ZDHHC15: variants seen among roughly 807,000 people sequenced by gnomAD.
ZDHHC15 encodes the protein palmitoyltransferase ZDHHC15.
In ZDHHC15, 19 loss-of-function variants were observed where a neutral mutation model predicts 31.7. The observed-to-expected ratio is 0.60, with a 90% CI of 0.42 to 0.88. The LOEUF (loss-of-function observed/expected upper bound fraction) is 0.88. ZDHHC15 is among the 40% of genes least tolerant of loss of function. ZDHHC15 has a pLI of 0.00. For synonymous variants in ZDHHC15, 103 were observed against 90.0 expected (o/e 1.14, Z -0.82); for missense variants, 209 against 251.2 (o/e 0.83, Z 1.14).
rs1602548864 is a variant in ZDHHC15, at chrX:75,387,795, G to A, written c.968-8597C>T. Among the ~76,000 whole-genome samples, 3 of 111,635 alleles carry A rather than the reference G, an allele frequency of 2.7e-5. No homozygotes were observed. In the South Asian group the frequency reaches 1.1e-3, roughly 42 times the overall value. On this transcript the variant is annotated intron_variant, in intron 10 of 11. Transcript: ENST00000373367. The stretch of plus-strand genomic sequence containing the variant: ...AAACTTGAGAAAGATAAATATCCAG[G>A]TATAAGAAGGTCAGAGCACACCAAA...
At chrX:75,500,533 A>G (rs1289710370) in intron 2 of ZDHHC15, among the ~76,000 whole-genome samples, 1 of 109,610 alleles carries the variant, frequency 9.1e-6, no homozygotes, top group Non-Finnish European at 1.9e-5. Context: ...TACAAATAAA[A>G]CTAAATATAG....
At chrX:75,462,692 G>C (rs1037408536) in intron 3 of ZDHHC15, among the ~76,000 whole-genome samples, 1 of 111,849 alleles carries the variant, frequency 8.9e-6, no homozygotes, top group African/African-American at 3.2e-5. Context: ...ATGACATTAA[G>C]ACAGAAATCA....
intron 10 of ZDHHC15, among the ~76,000 whole-genome samples, chrX:75,408,430 T>C (rs1485652667): frequency 9.0e-6 from 1 of 111,038 alleles, no homozygotes; most frequent in Non-Finnish European, 1.9e-5. Context: ...CTTAACAAAC[T>C]GGGTATAAAA....
At chrX:75,389,296 T>A (rs1344960045) in intron 10 of ZDHHC15, among the ~76,000 whole-genome samples, 1 of 111,079 alleles carries the variant, frequency 9.0e-6, no homozygotes, top group Non-Finnish European at 1.9e-5. Context: ...AGGACTGCAA[T>A]TCCTGAGCAA....
chrX:75,473,208 T>C (rs746084967), intron 3 of ZDHHC15, among the ~76,000 whole-genome samples: 1 of 112,132 alleles, frequency 8.9e-6, no homozygotes, highest in Admixed American at 9.5e-5. Flanking sequence ...GAATAGCCTT[T>C]TGAAATCACA....
chrX:75,511,610 T>G (rs1303709642), intron 1 of ZDHHC15, among the ~76,000 whole-genome samples: 7 of 104,113 alleles, frequency 6.7e-5, no homozygotes, highest in Admixed American at 6.4e-4. Flanking sequence ...TTTTGGCTTT[T>G]GTTGCCATTG....
intron 4 of ZDHHC15, among the ~76,000 whole-genome samples, chrX:75,444,681 TATATATAC>T (rs1170254587): frequency 2.3e-3 from 90 of 39,674 alleles, no homozygotes; most frequent in Non-Finnish European, 3.4e-3. Flanking sequence ...TATATATATA[TATATATAC>T]ACACACACAC....
intron 1 of ZDHHC15, among the ~76,000 whole-genome samples, chrX:75,521,930 T>C (rs1290247288): frequency 9.0e-6 from 1 of 110,686 alleles, no homozygotes; most frequent in African/African-American, 3.3e-5. Flanking sequence ...GGCCCTTTGA[T>C]GGAATAGGAG....
intron 1 of ZDHHC15, among the ~76,000 whole-genome samples, chrX:75,519,973 C>T (rs1045058544): frequency 1.8e-5 from 2 of 112,025 alleles, no homozygotes; most frequent in Non-Finnish European, 3.8e-5. Context: ...AAGGCTACAT[C>T]TGGCTTGTAT....
At chrX:75,375,044 GT>G (rs765957035) in intron 11 of ZDHHC15, among the ~76,000 whole-genome samples, 3 of 111,262 alleles carry the variant, frequency 2.7e-5, no homozygotes, top group East Asian at 2.8e-4. Context: ...AAAGTATATA[GT>G]TTTTTTGTAG....
At position 75,370,789 on chromosome X, in the gene ZDHHC15, C is replaced by A. The variant is rs1313610019; in HGVS notation, c.*2189G>T. On this transcript the variant is annotated 3_prime_UTR_variant, in exon 12 of 12. Coordinates refer to ENST00000373367, the MANE Select transcript of ZDHHC15 (RefSeq NM_144969.3). ...TCAGGTGGTCCGGCCGCCTTGGGCT[C>A]CCAAAATGTTGGGATTACAGGTGTG... 9.0e-6 allele frequency: 1 copy of A among 111,650 alleles called. No homozygotes were observed. The highest frequency in any genetic ancestry group is 2.8e-4 in the East Asian group (1 of 3,552). The allele number at this position is 111,650 out of a possible 1,213,427, so 9.2% of individuals were successfully genotyped here.
intron 5 of ZDHHC15, among the ~76,000 whole-genome samples, chrX:75,431,228 C>G: frequency 8.9e-6 from 1 of 112,228 alleles, no homozygotes; most frequent in South Asian, 3.7e-4. Flanking sequence ...AAACTGTCCA[C>G]AAATACAATG....
chrX:75,458,901 G>A (rs150471262), intron 3 of ZDHHC15, among the ~76,000 whole-genome samples: 1,861 of 104,376 alleles, frequency 0.018, 49 homozygotes, highest in African/African-American at 0.062. Flanking sequence ...ACAGGTTCTC[G>A]CATTCGGACT....
intron 2 of ZDHHC15, among the ~76,000 whole-genome samples, chrX:75,496,478 T>C (rs982403697): frequency 9.0e-6 from 1 of 111,489 alleles, no homozygotes; most frequent in African/African-American, 3.3e-5. Flanking sequence ...AAACAATGTA[T>C]TTAAGCTATA....
intron 2 of ZDHHC15, among the ~76,000 whole-genome samples, chrX:75,497,140 C>T (rs776234633): frequency 1.4e-4 from 16 of 111,190 alleles, no homozygotes; most frequent in East Asian, 1.1e-3. Context: ...CAATTAGAAA[C>T]GAAATAGGAA....
In ZDHHC15 at chrX:75,370,765, C is replaced by G. The variant is rs1384769801; in HGVS notation, c.*2213G>C. 1.8e-5 allele frequency: 2 copies of G among 111,389 alleles called. No individual in the cohort carries two copies. The highest frequency in any genetic ancestry group is 3.8e-5 in the Non-Finnish European group (2 of 53,101). 9.2% of individuals were successfully genotyped at this position (111,389 alleles called of 1,213,427 possible). Reference sequence around the variant, plus strand: ...CAGGCTGGTCTTGAACTCCCGACCTCAGGTGGTCCGGCCGCCTTGGGCTCC... The same window carrying G: ...CAGGCTGGTCTTGAACTCCCGACCTGAGGTGGTCCGGCCGCCTTGGGCTCC... On this transcript the variant is annotated 3_prime_UTR_variant, in exon 12 of 12. Transcript: ENST00000373367.
chrX:75,388,651 A>G (rs1254430509), intron 10 of ZDHHC15, among the ~76,000 whole-genome samples: 1 of 112,084 alleles, frequency 8.9e-6, no homozygotes, highest in Non-Finnish European at 1.9e-5. Context: ...CTACAAAGGA[A>G]GAAAGAAAGA....
In ZDHHC15 at chrX:75,474,573, TACAC is replaced by T. The variant is rs375925139; in HGVS notation, c.258+4314_258+4317del. On this transcript the variant is annotated intron_variant, in intron 3 of 11. Coordinates refer to ENST00000373367, the MANE Select transcript of ZDHHC15 (RefSeq NM_144969.3). Reference sequence around the variant, plus strand: ...ATATATATATATATAATCCCCTTTATACACACACACACACACACACACACACACA... The same window carrying T: ...ATATATATATATATAATCCCCTTTATACACACACACACACACACACACACA... 8.9e-3 allele frequency among the ~76,000 whole-genome samples: 570 copies of T among 64,245 alleles called. 8 individuals carry two copies. Among genetic ancestry groups the T allele is most frequent in the African/African-American group, 0.033 (540 of 16,552 alleles). 55.8% of individuals were successfully genotyped at this position (64,245 alleles called of 115,157 possible).
At chrX:75,511,633 T>A (rs1408119081) in intron 1 of ZDHHC15, among the ~76,000 whole-genome samples, 1 of 106,213 alleles carries the variant, frequency 9.4e-6, no homozygotes, top group African/African-American at 3.4e-5. Flanking sequence ...TTTGGTGTTT[T>A]GGACATGAAG....
Sources: allele counts gnomAD v4.1 joint callset (sites outside exome capture counted in the v4.1 genomes callset), GRCh38; gene constraint gnomAD v4.1.1; transcripts MANE v1.5; gene names NCBI Gene and HGNC (gene_info 2026-07-23, HGNC 2026-07-21).